Variants in SLC30A8 observed in about 807,000 individuals in gnomAD.
The protein encoded by SLC30A8 is solute carrier family 30 member 8.
Under a neutral mutation model 36.9 loss-of-function variants are expected in SLC30A8, and 27 were observed. That is an observed-to-expected ratio of 0.73 (90% CI 0.54 to 1.01). SLC30A8 has a LOEUF of 1.01. Ranked by LOEUF, SLC30A8 falls within the 50% of genes least tolerant of loss-of-function variation. The pLI, the probability that SLC30A8 is intolerant of heterozygous loss-of-function variation, is 0.00. For synonymous variants in SLC30A8, 164 were observed against 172.4 expected (o/e 0.95, Z 0.38); for missense variants, 439 against 452.0 (o/e 0.97, Z 0.26).
chr8:117,138,897 T>C (rs1821493825), intron 1 of SLC30A8, among the ~76,000 whole-genome samples: 1 of 152,024 alleles, frequency 6.6e-6, no homozygotes, highest in Non-Finnish European at 1.5e-5. Flanking sequence ...TAGAGGGCTA[T>C]GTATCTTTCC....
chr8:117,017,380 T>C (rs1342694023), intron 1 of SLC30A8, among the ~76,000 whole-genome samples: 1 of 152,220 alleles, frequency 6.6e-6, no homozygotes, highest in Non-Finnish European at 1.5e-5. Flanking sequence ...CAAGGTTTCT[T>C]CATCCCTGTA....
At chr8:117,011,008 A>G (rs1217929804) in intron 1 of SLC30A8, among the ~76,000 whole-genome samples, 1 of 152,218 alleles carries the variant, frequency 6.6e-6, no homozygotes, top group Non-Finnish European at 1.5e-5. Flanking sequence ...GCAGAGCCAC[A>G]GATCCAAACC....
chr8:116,992,964 C>A (rs563600631), intron 1 of SLC30A8, among the ~76,000 whole-genome samples: 2 of 126,630 alleles, frequency 1.6e-5, no homozygotes, highest in South Asian at 2.9e-4. Context: ...GTGGCCATGT[C>A]GAGTAAAGAA....
intron 1 of SLC30A8, among the ~76,000 whole-genome samples, chr8:117,003,415 TTAAC>T (rs1329330080): frequency 2.0e-5 from 3 of 152,218 alleles, no homozygotes; most frequent in Admixed American, 1.3e-4. Context: ...GTGAAATTAT[TTAAC>T]TAGTCAGTTT....
At chr8:116,957,494 C>T (rs1814255749) in intron 1 of SLC30A8, among the ~76,000 whole-genome samples, 1 of 152,124 alleles carries the variant, frequency 6.6e-6, no homozygotes, top group African/African-American at 2.4e-5. Context: ...TGGTCTGGAG[C>T]TCCTGACCTC....
At chr8:117,067,609 C>A (rs778708742) in intron 2 of SLC30A8, among the ~76,000 whole-genome samples, 44 of 152,164 alleles carry the variant, frequency 2.9e-4, no homozygotes, top group Non-Finnish European at 6.0e-4. Context: ...GGAGGACTCA[C>A]ATTTATTTAA....
chr8:117,048,447 A>G (rs918284429), intron 2 of SLC30A8, among the ~76,000 whole-genome samples: 4 of 152,164 alleles, frequency 2.6e-5, no homozygotes, highest in African/African-American at 4.8e-5. Flanking sequence ...TATCCCTCAC[A>G]TTTTATCTCA....
intron 1 of SLC30A8, among the ~76,000 whole-genome samples, chr8:117,028,149 T>C (rs759382994): frequency 1.3e-5 from 2 of 152,180 alleles, no homozygotes; most frequent in Non-Finnish European, 2.9e-5. Flanking sequence ...GGAAGAAGGC[T>C]GTTTTAAATG....
intron 6 of SLC30A8, among the ~76,000 whole-genome samples, chr8:117,166,818 G>A (rs1823081681): frequency 7.1e-6 from 1 of 140,354 alleles, no homozygotes; most frequent in East Asian, 2.1e-4. Context: ...GGTAGATCTG[G>A]TCTCAGAGTG....
chr8:117,097,938 T>TATTTATTTAAATAAATTTAAATA lies in SLC30A8; in HGVS notation c.-225-37341_-225-37340insTTTATTTAAATAAATTTAAATAA, dbSNP rs1563594981. ...TTTAAATAAATATATATATTATATA[T>TATTTATTTAAATAAATTTAAATA]AATATATAATTTTAAATAAATATAT... is the stretch of plus-strand genomic sequence containing the variant. On this transcript the variant is annotated intron_variant, in intron 2 of 10. Transcript: ENST00000427715. Among the ~76,000 whole-genome samples the TATTTATTTAAATAAATTTAAATA allele has an allele frequency of 1.5e-3, 162 of 111,466 alleles. 2 individuals are homozygous for TATTTATTTAAATAAATTTAAATA. Among genetic ancestry groups the TATTTATTTAAATAAATTTAAATA allele is most frequent in the African/African-American group, 3.0e-3 (76 of 25,706 alleles). The allele number at this position is 111,466 out of a possible 152,430, so 73.1% of individuals were successfully genotyped here.
At position 117,176,448 on chromosome 8, in the gene SLC30A8, A is replaced by T. The variant is rs1823693063; in HGVS notation, c.*3767A>T. 6.6e-6 allele frequency: 1 copy of T among 152,468 alleles called. No individual in the cohort carries two copies. The highest frequency in any genetic ancestry group is 2.1e-4 in the South Asian group (1 of 4,832). 9.4% of individuals were successfully genotyped at this position (152,468 alleles called of 1,614,324 possible). On this transcript the variant is annotated 3_prime_UTR_variant, in exon 8 of 8. Coordinates refer to ENST00000456015, the MANE Select transcript of SLC30A8 (RefSeq NM_173851.3). ...AATCTGTTTAAATGACTAATTACAG[A>T]AATCATTAAAGGCACCAAGCAAATG...
At chr8:117,023,065 A>T (rs551098341) in intron 1 of SLC30A8, among the ~76,000 whole-genome samples, 25 of 152,342 alleles carry the variant, frequency 1.6e-4, no homozygotes, top group African/African-American at 6.0e-4. Context: ...TGGGTGAAGG[A>T]TATGAACAGA....
At chr8:116,960,310 C>A (rs1563723277) in intron 1 of SLC30A8, among the ~76,000 whole-genome samples, 1 of 152,050 alleles carries the variant, frequency 6.6e-6, no homozygotes, top group African/African-American at 2.4e-5. Context: ...GACATTTGAC[C>A]TTCACTTTTT....
chr8:117,080,376 TG>T (rs1318439835), intron 2 of SLC30A8, among the ~76,000 whole-genome samples: 1 of 152,132 alleles, frequency 6.6e-6, no homozygotes, highest in Non-Finnish European at 1.5e-5. Flanking sequence ...GTATCCCCTG[TG>T]TAACAAACAC....
At chr8:117,084,220 G>T (rs1331676211) in intron 2 of SLC30A8, among the ~76,000 whole-genome samples, 2 of 152,104 alleles carry the variant, frequency 1.3e-5, no homozygotes, top group Non-Finnish European at 2.9e-5. Flanking sequence ...AAGAGGAGAA[G>T]AATAAAGAAA....
At chr8:117,004,438 G>C (rs1816108163) in intron 1 of SLC30A8, among the ~76,000 whole-genome samples, 1 of 152,118 alleles carries the variant, frequency 6.6e-6, no homozygotes, top group Non-Finnish European at 1.5e-5. Flanking sequence ...TTGTTAGAAA[G>C]TGTTTCCTTT....
chr8:116,960,565 A>T (rs1008186317), intron 1 of SLC30A8, among the ~76,000 whole-genome samples: 12 of 152,234 alleles, frequency 7.9e-5, no homozygotes, highest in African/African-American at 2.9e-4. Context: ...CCCAGTCCAT[A>T]GACTTGTCTC....
At chr8:117,151,744 T>G (rs2130981754) in intron 2 of SLC30A8, among the ~76,000 whole-genome samples, 1 of 152,376 alleles carries the variant, frequency 6.6e-6, no homozygotes, top group East Asian at 1.9e-4. Flanking sequence ...AGTTATTCTC[T>G]GGGCAAGAAA....
chr8:117,124,638 C>T lies in SLC30A8; in HGVS notation c.-225-10642C>T, dbSNP rs536449241. On this transcript the variant is annotated intron_variant, in intron 2 of 10. Coordinates refer to the SLC30A8 transcript ENST00000427715. ...TCTCAAAAGGGCAGAGAAGTCCTCCCTTGTATCCAGAAAAAAAAAAAAAAA... is the reference window on the plus strand; with the variant it reads ...TCTCAAAAGGGCAGAGAAGTCCTCCTTTGTATCCAGAAAAAAAAAAAAAAA... Among the ~76,000 whole-genome samples, 6 of 142,802 alleles carry T rather than the reference C, an allele frequency of 4.2e-5. No individual in the cohort carries two copies. In the South Asian group the frequency reaches 1.1e-3, roughly 26 times the overall value. 93.7% of individuals were successfully genotyped at this position (142,802 alleles called of 152,430 possible).
Sources: allele counts gnomAD v4.1 joint callset (sites outside exome capture counted in the v4.1 genomes callset), GRCh38; gene constraint gnomAD v4.1.1; transcripts MANE v1.5; gene names NCBI Gene and HGNC (gene_info 2026-07-23, HGNC 2026-07-21).